PRDM16: variants seen among roughly 807,000 people sequenced by gnomAD.
PRDM16 encodes the protein PR/SET domain 16.
Under a neutral mutation model 110.6 loss-of-function variants are expected in PRDM16, and 23 were observed. The observed-to-expected ratio is 0.21, with a 90% CI of 0.15 to 0.29. The LOEUF (loss-of-function observed/expected upper bound fraction) is 0.29, where lower values mean the gene tolerates loss of function less well. Ranked by LOEUF, PRDM16 falls within the 10% of genes least tolerant of loss-of-function variation. PRDM16 has a pLI of 1.00. For missense variants in PRDM16, 1,615 were observed against 1,794.3 expected (o/e 0.90, Z 1.81); for synonymous variants, 799 against 781.8 (o/e 1.02, Z -0.37).
chr1:3,306,738 C>T (rs534788029), intron 3 of PRDM16: 1 of 152,212 alleles, frequency 6.6e-6, no homozygotes, highest in African/African-American at 2.4e-5. Context: ...TGGTTTTCAG[C>T]CACAGACTTG....
intron 2 of PRDM16, among the ~76,000 whole-genome samples, chr1:3,227,888 T>C (rs1639327711): frequency 6.6e-6 from 1 of 152,226 alleles, no homozygotes. Context: ...TTCTCTCTTT[T>C]TCCATCACGA....
In PRDM16 at chr1:3,435,597, T is replaced by G. The variant is rs924142551; in HGVS notation, c.*1786T>G. 1 of 227,298 alleles carries G rather than the reference T, an allele frequency of 4.4e-6. No individual in the cohort carries two copies. Among genetic ancestry groups the G allele is most frequent in the Admixed American group, 5.7e-5 (1 of 17,504 alleles). 14.1% of individuals were successfully genotyped at this position (227,298 alleles called of 1,614,324 possible). Reference sequence around the variant, plus strand: ...GAAAAAAAATGCCCAAGTTGCCCTTTAAAAAAAAAGAGCGTAAATACAAAC... The same window carrying G: ...GAAAAAAAATGCCCAAGTTGCCCTTGAAAAAAAAAGAGCGTAAATACAAAC... On this transcript the variant is annotated 3_prime_UTR_variant, in exon 17 of 17. Coordinates refer to ENST00000270722, the MANE Select transcript of PRDM16 (RefSeq NM_022114.4).
At chr1:3,262,991 G>A (rs926840588) in intron 3 of PRDM16, among the ~76,000 whole-genome samples, 3 of 152,186 alleles carry the variant, frequency 2.0e-5, no homozygotes, top group South Asian at 2.1e-4. Context: ...CATAGAGAGG[G>A]TCTGTTTCAG....
At chr1:3,156,814 C>CGA (rs980164227) in intron 1 of PRDM16, among the ~76,000 whole-genome samples, 3 of 152,124 alleles carry the variant, frequency 2.0e-5, no homozygotes, top group Non-Finnish European at 4.4e-5. Context: ...TTTAGCTCTT[C>CGA]GAGGGGGGAA....
At chr1:3,423,591 C>G (rs1638502827) in intron 12 of PRDM16, among the ~76,000 whole-genome samples, 1 of 152,200 alleles carries the variant, frequency 6.6e-6, no homozygotes, top group Non-Finnish European at 1.5e-5. Context: ...GGCATGTGAC[C>G]AGTATGCTGC....
intron 3 of PRDM16, among the ~76,000 whole-genome samples, chr1:3,341,222 G>C (rs1642265567): frequency 6.6e-6 from 1 of 152,190 alleles, no homozygotes; most frequent in African/African-American, 2.4e-5. Context: ...ACTGTCGCCT[G>C]GTGGGTGTGG....
At chr1:3,086,856 G>A (rs1642163688) in intron 1 of PRDM16, among the ~76,000 whole-genome samples, 1 of 152,110 alleles carries the variant, frequency 6.6e-6, no homozygotes. Flanking sequence ...AGATTTCAGT[G>A]AAAAATGAGA....
intron 3 of PRDM16, among the ~76,000 whole-genome samples, chr1:3,334,052 A>G (rs1642096618): frequency 6.6e-6 from 1 of 152,224 alleles, no homozygotes; most frequent in Non-Finnish European, 1.5e-5. Flanking sequence ...TAACACACGT[A>G]AAGTGCAGCT....
rs115226069 is a variant in PRDM16 at position 3,412,699 on chromosome 1, C to T, written c.2502C>T (p.Gly834=). The part of the protein sequence containing the change: ...KNHVYGERKL[G]AGEGLPQVCP... ...ACGTCTATGGGGAACGCAAGCTGGGCGCCGGCGAGGGGCTGCCCCAGGTGT... is the reference window on the plus strand; with the variant it reads ...ACGTCTATGGGGAACGCAAGCTGGGTGCCGGCGAGGGGCTGCCCCAGGTGT... The change falls in exon 9 of 17, where the codon GGC becomes GGT. Residue 834 remains glycine, a synonymous_variant. Transcript: ENST00000270722. 0.024 allele frequency: 35,873 copies of T among 1,493,972 alleles called. 767 individuals carry two copies. The highest frequency in any genetic ancestry group is 0.1 in the African/African-American group (7,316 of 70,858). 92.5% of individuals were successfully genotyped at this position (1,493,972 alleles called of 1,614,324 possible). A position where few individuals can be genotyped will look rare whatever the true frequency, so the allele number is the denominator to read the frequency against.
At chr1:3,408,482 G>GA (rs1272643242) in intron 8 of PRDM16, among the ~76,000 whole-genome samples, 3 of 152,216 alleles carry the variant, frequency 2.0e-5, no homozygotes, top group African/African-American at 4.8e-5. Context: ...ATGCACGTGT[G>GA]AGAGTGTGTG....
At chr1:3,171,866 G>A (rs1462824148) in intron 1 of PRDM16, among the ~76,000 whole-genome samples, 3 of 152,102 alleles carry the variant, frequency 2.0e-5, no homozygotes, top group African/African-American at 7.2e-5. Context: ...TTGTCGCCCT[G>A]CTTGGATCAG....
At chr1:3,183,926 T>A (rs140230925) in intron 1 of PRDM16, among the ~76,000 whole-genome samples, 1 of 152,238 alleles carries the variant, frequency 6.6e-6, no homozygotes, top group Non-Finnish European at 1.5e-5. Context: ...GGCTTCGGCC[T>A]CCAACCCGAC....
intron 3 of PRDM16, among the ~76,000 whole-genome samples, chr1:3,326,088 CCCCTTGGCCA>C (rs1641896273): frequency 2.3e-4 from 17 of 72,940 alleles, no homozygotes; most frequent in South Asian, 8.7e-4. Context: ...ATCCTTGGCC[CCCCTTGGCCA>C]TCCTCGACCA....
chr1:3,368,101 T>A (rs926296851), intron 3 of PRDM16, among the ~76,000 whole-genome samples: 2 of 152,136 alleles, frequency 1.3e-5, no homozygotes, highest in East Asian at 3.9e-4. Context: ...AAACAGTCTA[T>A]CCATTCCCAA....
chr1:3,317,724 A>T (rs1641644403), intron 3 of PRDM16, among the ~76,000 whole-genome samples: 1 of 152,206 alleles, frequency 6.6e-6, no homozygotes, highest in Non-Finnish European at 1.5e-5. Context: ...GAGCCTGCCC[A>T]TGAGTGTCCC....
chr1:3,198,820 T>C (rs941750325), intron 2 of PRDM16, among the ~76,000 whole-genome samples: 3 of 152,188 alleles, frequency 2.0e-5, no homozygotes, highest in African/African-American at 7.2e-5. Flanking sequence ...AGTTTAATTG[T>C]ACATCCCATT....
intron 3 of PRDM16, among the ~76,000 whole-genome samples, chr1:3,304,599 G>A (rs1335138930): frequency 1.3e-5 from 2 of 152,188 alleles, no homozygotes; most frequent in South Asian, 2.1e-4. Flanking sequence ...ATGTCCACAC[G>A]AGGAGCACGG....
intron 5 of PRDM16, among the ~76,000 whole-genome samples, chr1:3,400,950 G>C (rs1228845931): frequency 6.6e-6 from 1 of 152,050 alleles, no homozygotes; most frequent in Non-Finnish European, 1.5e-5. Flanking sequence ...TGGCAAGCTG[G>C]CATCTGTACC....
intron 2 of PRDM16, among the ~76,000 whole-genome samples, chr1:3,198,129 C>T (rs903402908): frequency 4.6e-5 from 7 of 152,200 alleles, no homozygotes; most frequent in African/African-American, 1.2e-4. Flanking sequence ...GCCTCCTGCA[C>T]GCGGGTAGAA....
Sources: allele counts gnomAD v4.1 joint callset (sites outside exome capture counted in the v4.1 genomes callset), GRCh38; gene constraint gnomAD v4.1.1; transcripts MANE v1.5; gene names NCBI Gene and HGNC (gene_info 2026-07-23, HGNC 2026-07-21).